The following TRABD2B variants were observed in gnomAD, a reference collection of about 807,000 sequenced individuals.
TRABD2B encodes the protein metalloprotease TIKI2.
A neutral mutation model predicts 40.1 loss-of-function variants in TRABD2B; 14 were observed. The observed-to-expected ratio is 0.35, with a 90% CI of 0.23 to 0.55. TRABD2B has a LOEUF of 0.55. TRABD2B is among the 20% of genes least tolerant of loss of function. The pLI, the probability that TRABD2B is intolerant of heterozygous loss-of-function variation, is 0.90. For synonymous variants in TRABD2B, 263 were observed against 277.0 expected, an observed-to-expected ratio of 0.95 and a Z score of 0.50; for missense variants, 541 against 648.6, an observed-to-expected ratio of 0.83 and a Z score of 1.80.
intron 2 of TRABD2B, among the ~76,000 whole-genome samples, chr1:47,863,030 G>C (rs1278498753): frequency 6.6e-6 from 1 of 151,928 alleles, no homozygotes; most frequent in African/African-American, 2.4e-5. Flanking sequence ...AATGAATCTA[G>C]GCACAGACCT....
intron 2 of TRABD2B, among the ~76,000 whole-genome samples, chr1:47,956,372 G>A (rs1014495040): frequency 6.6e-6 from 1 of 152,218 alleles, no homozygotes; most frequent in Non-Finnish European, 1.5e-5. Context: ...GACAGTGGGT[G>A]CAGCCCATGG....
chr1:47,804,934 A>T (rs1644870848), intron 2 of TRABD2B, among the ~76,000 whole-genome samples: 3 of 152,294 alleles, frequency 2.0e-5, no homozygotes, highest in African/African-American at 7.2e-5. Flanking sequence ...GGGCGCCTGA[A>T]GTCTCACTAG....
intron 2 of TRABD2B, 148 bp from the exon 3 acceptor site, chr1:47,801,767 T>A (rs1188191417): frequency 5.9e-6 from 6 of 1,014,170 alleles, no homozygotes; most frequent in Non-Finnish European, 8.4e-6. Context: ...TCAGGCTGTG[T>A]GTTTCCAGTT....
chr1:47,822,459 T>C (rs1557594014), intron 2 of TRABD2B, among the ~76,000 whole-genome samples: 1 of 151,464 alleles, frequency 6.6e-6, no homozygotes, highest in East Asian at 2.0e-4. Context: ...ACAGGGGTGA[T>C]GAGGGGAGGG....
intron 6 of TRABD2B, among the ~76,000 whole-genome samples, chr1:47,774,148 C>T (rs1644412050): frequency 6.6e-6 from 1 of 152,164 alleles, no homozygotes. Flanking sequence ...CCTACACATT[C>T]TGATACATGA....
intron 2 of TRABD2B, among the ~76,000 whole-genome samples, chr1:47,950,678 T>C (rs1212410664): frequency 6.6e-6 from 1 of 152,228 alleles, no homozygotes; most frequent in Non-Finnish European, 1.5e-5. Flanking sequence ...CAAGGAATGC[T>C]GAGCTCACCA....
chr1:47,917,680 G>A (rs965441867), intron 2 of TRABD2B, among the ~76,000 whole-genome samples: 11 of 152,090 alleles, frequency 7.2e-5, no homozygotes, highest in African/African-American at 2.7e-4. Flanking sequence ...GCTGTAGTGA[G>A]CTATGATTGC....
intron 2 of TRABD2B, among the ~76,000 whole-genome samples, chr1:47,993,584 C>T (rs1357139606): frequency 6.6e-6 from 1 of 152,108 alleles, no homozygotes; most frequent in East Asian, 1.9e-4. Context: ...CAGGCAACTC[C>T]TTGTTGGCTC....
intron 2 of TRABD2B, among the ~76,000 whole-genome samples, chr1:47,806,874 G>A (rs1017284961): frequency 2.0e-5 from 3 of 152,130 alleles, no homozygotes; most frequent in Non-Finnish European, 2.9e-5. Context: ...TCAAGAAGAG[G>A]GTTTAGAGTC....
chr1:47,851,700 G>A (rs1645551422), intron 2 of TRABD2B, among the ~76,000 whole-genome samples: 1 of 152,182 alleles, frequency 6.6e-6, no homozygotes, highest in African/African-American at 2.4e-5. Context: ...CAGGGCCACT[G>A]TGAGAATTAG....
intron 2 of TRABD2B, among the ~76,000 whole-genome samples, chr1:47,821,624 C>T (rs940951675): frequency 2.6e-5 from 4 of 152,096 alleles, no homozygotes; most frequent in African/African-American, 4.8e-5. Flanking sequence ...CCTTGGACCA[C>T]TCCCACATCT....
At chr1:47,839,920 C>T (rs994502851) in intron 2 of TRABD2B, among the ~76,000 whole-genome samples, 2 of 152,154 alleles carry the variant, frequency 1.3e-5, no homozygotes, top group African/African-American at 4.8e-5. Context: ...CTGGCTGCCC[C>T]CTCCATCGAT....
intron 2 of TRABD2B, among the ~76,000 whole-genome samples, chr1:47,915,004 T>A (rs901076311): frequency 5.9e-5 from 9 of 152,170 alleles, no homozygotes; most frequent in Non-Finnish European, 2.9e-5. Flanking sequence ...CCCACTTCAG[T>A]ACAGCGAGAC....
chr1:47,823,081 G>A (rs151245930), intron 2 of TRABD2B, among the ~76,000 whole-genome samples: 4 of 152,376 alleles, frequency 2.6e-5, no homozygotes, highest in East Asian at 3.9e-4. Flanking sequence ...GAGAGATGGG[G>A]CCGGCCTGGC....
intron 3 of TRABD2B, among the ~76,000 whole-genome samples, chr1:47,798,165 T>A (rs986676332): frequency 6.6e-6 from 1 of 152,040 alleles, no homozygotes; most frequent in South Asian, 2.1e-4. Flanking sequence ...AGAACACTGA[T>A]GGATATGCGC....
intron 2 of TRABD2B, among the ~76,000 whole-genome samples, chr1:47,924,961 G>C (rs1167813572): frequency 6.6e-6 from 1 of 152,180 alleles, no homozygotes; most frequent in Non-Finnish European, 1.5e-5. Context: ...GCTCAGTGTG[G>C]GGCCAGGGTC....
At chr1:47,805,417 A>G (rs1312163378) in intron 2 of TRABD2B, among the ~76,000 whole-genome samples, 1 of 152,150 alleles carries the variant, frequency 6.6e-6, no homozygotes, top group Non-Finnish European at 1.5e-5. Context: ...TGGTGGGGCC[A>G]GGACTGAAAC....
chr1:47,873,827 A>C (rs1644179225), intron 2 of TRABD2B, among the ~76,000 whole-genome samples: 1 of 152,042 alleles, frequency 6.6e-6, no homozygotes, highest in Non-Finnish European at 1.5e-5. Flanking sequence ...AGGACTAAAC[A>C]CCAAGAGTCG....
intron 6 of TRABD2B, among the ~76,000 whole-genome samples, chr1:47,769,663 G>A (rs1644353433): frequency 6.6e-6 from 1 of 152,210 alleles, no homozygotes; most frequent in Admixed American, 6.5e-5. Context: ...TGGCCTCAAA[G>A]CCAAACCAAA....
Sources: allele counts gnomAD v4.1 joint callset (sites outside exome capture counted in the v4.1 genomes callset), GRCh38; gene constraint gnomAD v4.1.1; transcripts MANE v1.5; gene names NCBI Gene and HGNC (gene_info 2026-07-23, HGNC 2026-07-21).